The following MAP3K9 variants were observed in gnomAD, a reference collection of about 807,000 sequenced individuals.
The protein encoded by MAP3K9 is mixed lineage kinase 1 (tyr and ser/thr specificity).
A neutral mutation model predicts 95.8 loss-of-function variants in MAP3K9; 46 were observed. The observed-to-expected ratio is 0.48, with a 90% CI of 0.38 to 0.61. The LOEUF (loss-of-function observed/expected upper bound fraction) is 0.61. Ranked by LOEUF, MAP3K9 falls within the 20% of genes least tolerant of loss-of-function variation. The probability of loss-of-function intolerance (pLI) is 0.00; values close to 1 mark genes in which losing one functional copy is unlikely to be tolerated. For missense variants in MAP3K9, 1,296 were observed against 1,474.3 expected, an observed-to-expected ratio of 0.88 and a Z score of 1.98; for synonymous variants, 533 against 593.8, an observed-to-expected ratio of 0.90 and a Z score of 1.49.
chr14:70,756,347 A>C (rs2054298785), intron 3 of MAP3K9, among the ~76,000 whole-genome samples: 1 of 152,208 alleles, frequency 6.6e-6, no homozygotes, highest in African/African-American at 2.4e-5. Flanking sequence ...GAAGAAACCT[A>C]GTGGGAATAC....
chr14:70,796,456 T>C (rs1476382228), intron 2 of MAP3K9, among the ~76,000 whole-genome samples: 3 of 152,194 alleles, frequency 2.0e-5, no homozygotes, highest in African/African-American at 7.2e-5. Context: ...ATGTCCTGCA[T>C]TAAGATTCCA....
At chr14:70,756,859 T>C (rs2054305627) in intron 3 of MAP3K9, among the ~76,000 whole-genome samples, 1 of 152,212 alleles carries the variant, frequency 6.6e-6, no homozygotes. Context: ...CTCTTTGTAA[T>C]AGCAGCTTAG....
rs1350773119 is a variant in MAP3K9 at position 70,728,655 on chromosome 14, G to A, written c.*1725C>T. ...GTAGCGCCTTCCCGTCCAAGACTTG[G>A]TGGGCCCCTTGAACCAAAGTGCTAA... On this transcript the variant is annotated 3_prime_UTR_variant, in exon 12 of 12. Coordinates refer to ENST00000554752, the MANE Select transcript of MAP3K9 (RefSeq NM_001284230.2). 1 of 152,250 alleles carries A rather than the reference G, an allele frequency of 6.6e-6. No homozygotes were observed. Among genetic ancestry groups the A allele is most frequent in the Non-Finnish European group, 1.5e-5 (1 of 68,068 alleles). The allele number at this position is 152,250 out of a possible 1,614,324, so 9.4% of individuals were successfully genotyped here.
At chr14:70,783,062 C>T (rs1265671984) in intron 2 of MAP3K9, among the ~76,000 whole-genome samples, 1 of 152,184 alleles carries the variant, frequency 6.6e-6, no homozygotes. Context: ...TATTTTTCCT[C>T]AGTGGGGTCA....
rs544898088 is a variant in MAP3K9 at position 70,807,266 on chromosome 14, G to A, written c.406+1500C>T. Among the ~76,000 whole-genome samples, 12 of 152,306 alleles carry A rather than the reference G, an allele frequency of 7.9e-5. No homozygotes were observed. In the South Asian group the frequency reaches 1.2e-3, roughly 16 times the overall value. On this transcript the variant is annotated intron_variant, in intron 1 of 11. Transcript: ENST00000554752. ...AACACTTTGGAAGGCCGAGGCGTGC[G>A]GATCACTTGAGGTCAGGAGTTCGAG...
chr14:70,795,654 G>C (rs2054856320), intron 2 of MAP3K9, among the ~76,000 whole-genome samples: 1 of 152,022 alleles, frequency 6.6e-6, no homozygotes, highest in African/African-American at 2.4e-5. Flanking sequence ...TATTTAATAT[G>C]AATATAAAAG....
At chr14:70,770,471 A>G (rs1256226614) in intron 2 of MAP3K9, among the ~76,000 whole-genome samples, 1 of 152,138 alleles carries the variant, frequency 6.6e-6, no homozygotes, top group Non-Finnish European at 1.5e-5. Flanking sequence ...GGAGTGAGCC[A>G]CCGTGCCTGG....
chr14:70,741,178 C>T (rs1462698399), intron 6 of MAP3K9, among the ~76,000 whole-genome samples: 1 of 152,196 alleles, frequency 6.6e-6, no homozygotes, highest in Non-Finnish European at 1.5e-5. Flanking sequence ...GCAACCTCCG[C>T]CTCCCAGGTT....
In MAP3K9 at chr14:70,748,314, C is replaced by T. The variant is rs142932055; in HGVS notation, c.1326+515G>A. Among the ~76,000 whole-genome samples the T allele has an allele frequency of 7.7e-3, 1,170 of 152,206 alleles. 4 individuals are homozygous for T. Among genetic ancestry groups the T allele is most frequent in the African/African-American group, 0.02 (813 of 41,532 alleles). On this transcript the variant is annotated intron_variant, in intron 5 of 11. Transcript: ENST00000554752. Reference sequence around the variant, plus strand: ...GGGAATGGCCACCAAAACAAAAAAGCAGATCTCTGGTAGGCTAGGAGTCTC... The same window carrying T: ...GGGAATGGCCACCAAAACAAAAAAGTAGATCTCTGGTAGGCTAGGAGTCTC...
chr14:70,788,779 G>C (rs17108540), intron 2 of MAP3K9, among the ~76,000 whole-genome samples: 13,966 of 152,212 alleles, frequency 0.092, 753 homozygotes, highest in African/African-American at 0.14. Flanking sequence ...TTAGAGAGTA[G>C]CTGTAGGAAA....
At chr14:70,804,804 T>C (rs2054972586) in intron 1 of MAP3K9, among the ~76,000 whole-genome samples, 1 of 152,074 alleles carries the variant, frequency 6.6e-6, no homozygotes, top group Admixed American at 6.5e-5. Flanking sequence ...GAGTAGAACA[T>C]AAAAATCTCA....
intron 1 of MAP3K9, among the ~76,000 whole-genome samples, chr14:70,808,349 G>A (rs959138892): frequency 1.3e-5 from 2 of 151,480 alleles, no homozygotes; most frequent in African/African-American, 4.9e-5. Context: ...GTTAGAAGAG[G>A]TGGTGGCAAG....
At chr14:70,762,653 T>C (rs1398255482) in intron 2 of MAP3K9, among the ~76,000 whole-genome samples, 2 of 152,240 alleles carry the variant, frequency 1.3e-5, no homozygotes, top group East Asian at 3.8e-4. Flanking sequence ...ACTAGACCCT[T>C]ATCAGATACA....
At position 70,761,028 on chromosome 14, in the gene MAP3K9, C is replaced by T; in HGVS notation, c.975G>A (p.Met325Ile). The T allele has an allele frequency of 6.2e-7, 1 of 1,613,984 alleles. No individual in the cohort carries two copies. The highest frequency in any genetic ancestry group is 8.5e-7 in the Non-Finnish European group (1 of 1,179,988). ...WMAPEVIRAS[M>I]FSKGSDVWSY... The stretch of plus-strand genomic sequence containing the variant: ...TCCACACATCACTGCCTTTGGAAAA[C>T]ATGGAGGCCCGGATGACTTCGGGTG... The change falls in exon 3 of 12, where the codon ATG becomes ATA. Residue 325 changes from methionine to isoleucine, a missense_variant. Around this residue, in one of 5 missense-constraint regions of MAP3K9, gnomAD observed 136 missense variants for 221.5 expected, o/e 0.61. Coordinates refer to ENST00000554752, the MANE Select transcript of MAP3K9 (RefSeq NM_001284230.2).
Position 70,809,342 on chromosome 14 carries a change from G to A in MAP3K9, c.-171C>T. On this transcript the variant is annotated 5_prime_UTR_variant, in exon 1 of 12. Transcript: ENST00000554752. ...GCCGGCTCGCCGGCGCTGTTACCGC[G>A]GTACGAGAAGAGCGCCGAGCGCGAG... 1 of 837,988 alleles carries A rather than the reference G, an allele frequency of 1.2e-6. No individual in the cohort carries two copies. The highest frequency in any genetic ancestry group is 1.6e-6 in the Non-Finnish European group (1 of 628,938). The allele number at this position is 837,988 out of a possible 1,614,324, so 51.9% of individuals were successfully genotyped here.
At chr14:70,737,027 G>A (rs1365161528) in intron 8 of MAP3K9, among the ~76,000 whole-genome samples, 1 of 152,182 alleles carries the variant, frequency 6.6e-6, no homozygotes, top group Non-Finnish European at 1.5e-5. Flanking sequence ...GCACTTGTAA[G>A]CCTAATATTC....
intron 2 of MAP3K9, among the ~76,000 whole-genome samples, chr14:70,777,971 A>C (rs2054621150): frequency 6.6e-6 from 1 of 152,204 alleles, no homozygotes; most frequent in African/African-American, 2.4e-5. Flanking sequence ...TGGTTACTAG[A>C]AAAGGTCGAC....
intron 3 of MAP3K9, among the ~76,000 whole-genome samples, chr14:70,755,399 T>C (rs1330740330): frequency 2.6e-5 from 4 of 152,236 alleles, no homozygotes; most frequent in Non-Finnish European, 2.9e-5. Flanking sequence ...ACTACACACA[T>C]ATCTAGTTCT....
chr14:70,787,514 A>G (rs2139838052), intron 2 of MAP3K9, among the ~76,000 whole-genome samples: 1 of 151,934 alleles, frequency 6.6e-6, no homozygotes, highest in South Asian at 2.1e-4. Context: ...TCTCAAAAAA[A>G]AAAAAAAAAA....
Sources: allele counts gnomAD v4.1 joint callset (sites outside exome capture counted in the v4.1 genomes callset), GRCh38; gene constraint gnomAD v4.1.1; regional missense constraint gnomAD v4.1.1; transcripts MANE v1.5; gene names NCBI Gene and HGNC (gene_info 2026-07-23, HGNC 2026-07-21).